Variants in GRAMD1A observed in about 807,000 individuals in gnomAD.
GRAMD1A encodes the protein protein Aster-A.
In GRAMD1A, 50 loss-of-function variants were observed where a neutral mutation model predicts 92.0. That is an observed-to-expected ratio of 0.54 (90% CI 0.43 to 0.69). The LOEUF is 0.69. Ranked by LOEUF, GRAMD1A falls within the 30% of genes least tolerant of loss-of-function variation. GRAMD1A has a pLI of 0.00. For missense variants in GRAMD1A, 819 were observed against 978.9 expected (o/e 0.84, Z 2.18); for synonymous variants, 405 against 403.6 (o/e 1.00, Z -0.04).
chr19:34,998,800 C>CTA (rs2014152238), upstream of GRAMD1A, among the ~76,000 whole-genome samples: 2 of 133,904 alleles, frequency 1.5e-5, no homozygotes, highest in South Asian at 4.8e-4. Flanking sequence ...AGGTAGGGCA[C>CTA]GGCGATAGGG....
At chr19:34,996,245 C>G (rs1008854633), upstream of GRAMD1A, 1 of 1,535,434 alleles carries the variant, frequency 6.5e-7, no homozygotes, top group African/African-American at 1.4e-5. Context: ...CCCCCGACGC[C>G]GGCAGCAGCA....
In GRAMD1A at chr19:35,021,775, G is replaced by A. The variant is rs1243445691; in HGVS notation, c.1664G>A (p.Arg555Gln). ...GGCTTGCTATCCGGCCTGCGGCGGCGGAAGCGGCCCCTGAGCTGGCGGGCT... is the reference window on the plus strand; with the variant it reads ...GGCTTGCTATCCGGCCTGCGGCGGCAGAAGCGGCCCCTGAGCTGGCGGGCT... ...ARGLLSGLRR[R>Q]KRPLSWRAHG... The change falls in exon 15 of 20, where the codon CGG becomes CAG. Residue 555 changes from arginine (R) to glutamine (Q), a missense_variant. By Grantham distance (43) the Arg-to-Gln change is conservative. Transcript: ENST00000317991. The surrounding 1 kb of genome is among the most constrained non-coding windows in gnomAD (Gnocchi z 5.3). 10 of 1,612,514 alleles carry A rather than the reference G, an allele frequency of 6.2e-6. No individual in the cohort carries two copies. The highest frequency in any genetic ancestry group is 1.6e-4 in the Middle Eastern group (1 of 6,078).
Position 35,009,404 on chromosome 19 carries a change from C to T in GRAMD1A, c.220-19C>T. 3 of 1,614,034 alleles carry T rather than the reference C, an allele frequency of 1.9e-6. No homozygotes were observed. The highest frequency in any genetic ancestry group is 2.5e-6 in the Non-Finnish European group (3 of 1,179,980). On this transcript the variant is annotated intron_variant, in intron 2 of 19. Coordinates refer to ENST00000317991, the MANE Select transcript of GRAMD1A (RefSeq NM_020895.5). ...GGTGATCTAGGGGCTCATCCTGACT[C>T]CTCTCCTTTTCTTTGCAGAAGATGC...
At chr19:35,022,456 A>C (rs1180704616) in intron 16 of GRAMD1A, among the ~76,000 whole-genome samples, 1 of 152,050 alleles carries the variant, frequency 6.6e-6, no homozygotes, top group Non-Finnish European at 1.5e-5. Context: ...TAGACCTCAC[A>C]CCAGACCAGA....
At chr19:34,996,381 C>A, upstream of GRAMD1A, 2 of 1,038,464 alleles carry the variant, frequency 1.9e-6, no homozygotes, top group African/African-American at 1.6e-5. Context: ...GGCTGCGGGT[C>A]AGAGCACAAC....
chr19:35,023,350 G>A lies in GRAMD1A; in HGVS notation c.1961+7G>A. 2 of 1,613,940 alleles carry A rather than the reference G, an allele frequency of 1.2e-6. No homozygotes were observed. The highest frequency in any genetic ancestry group is 1.1e-5 in the South Asian group (1 of 91,080). The stretch of plus-strand genomic sequence containing the variant: ...GCCTGGCCCTGGCCAAGGGGTGAGT[G>A]GGTAGCCTGGGGAAATGGGGGGGCT... On this transcript the variant is annotated splice_region_variant and intron_variant, in intron 18 of 19. Coordinates refer to ENST00000317991, the MANE Select transcript of GRAMD1A (RefSeq NM_020895.5).
rs1471023825 is a variant in GRAMD1A at position 35,021,915 on chromosome 19, G to C, written c.1754-36G>C. The C allele has an allele frequency of 6.2e-7, 1 of 1,612,380 alleles. No individual in the cohort carries two copies. The highest frequency in any genetic ancestry group is 1.3e-5 in the African/African-American group (1 of 74,912). On this transcript the variant is annotated intron_variant, in intron 15 of 19. Transcript: ENST00000317991. The surrounding 1 kb of genome is among the most constrained non-coding windows in gnomAD (Gnocchi z 5.3). ...GGTAGGCGGAGGATCGGGGGTCCTGGACTGGGCCATCTGACTCCAAGCTGC... is the reference window on the plus strand; with the variant it reads ...GGTAGGCGGAGGATCGGGGGTCCTGCACTGGGCCATCTGACTCCAAGCTGC...
chr19:35,013,603 A>G lies in GRAMD1A; in HGVS notation c.782A>G (p.Asp261Gly), dbSNP rs1251472121. The G allele has an allele frequency of 4.3e-6, 7 of 1,613,430 alleles. No homozygotes were observed. The highest frequency in any genetic ancestry group is 5.9e-6 in the Non-Finnish European group (7 of 1,179,810). Reference sequence around the variant, plus strand: ...GACATCACCTCCTCGGGGGCAGCTGACCGCAGCCAGGAGCCAAGCCCAGTG... The same window carrying G: ...GACATCACCTCCTCGGGGGCAGCTGGCCGCAGCCAGGAGCCAAGCCCAGTG... ...LSDITSSGAADRSQEPSPVGS... is the reference protein window; with the variant it reads ...LSDITSSGAAGRSQEPSPVGS... The change falls in exon 9 of 20, where the codon GAC (aspartate) becomes GGC (glycine). Residue 261 changes from aspartate to glycine, a missense_variant. Coordinates refer to ENST00000317991, the MANE Select transcript of GRAMD1A (RefSeq NM_020895.5). This position sits in a 1 kb window ranked among gnomAD's most constrained non-coding sequence, Gnocchi z 4.9.
At chr19:35,009,097 C>T in intron 1 of GRAMD1A, 22 bp from the exon 2 acceptor site, 3 of 1,551,774 alleles carry the variant, frequency 1.9e-6, no homozygotes, top group Non-Finnish European at 2.7e-6. Context: ...GTTAACACTT[C>T]TCTTCCTCTT....
intron 11 of GRAMD1A, 28 bp from the exon 12 acceptor site, chr19:35,019,163 C>G: frequency 6.9e-7 from 1 of 1,448,998 alleles, no homozygotes; most frequent in Non-Finnish European, 9.5e-7. Context: ...GGGGTGTGGC[C>G]TCCTCATGCT....
intron 1 of GRAMD1A, 105 bp from the exon 2 acceptor site, chr19:35,009,014 G>A: frequency 1.3e-6 from 1 of 742,026 alleles, no homozygotes; most frequent in Non-Finnish European, 2.4e-6. Context: ...TGGGTGGATG[G>A]GTGTGTATTC....
chr19:35,016,053 T>A, intron 11 of GRAMD1A, 86 bp downstream of exon 11: 3 of 1,408,714 alleles, frequency 2.1e-6, no homozygotes, highest in Non-Finnish European at 2.9e-6. Context: ...GGGAAGGCAC[T>A]GCTAGCCAGT....
intron 7 of GRAMD1A, among the ~76,000 whole-genome samples, 194 bp downstream of exon 7, chr19:35,011,748 G>A (rs1221505390): frequency 1.3e-5 from 2 of 152,224 alleles, no homozygotes; most frequent in African/African-American, 4.8e-5. Context: ...ATGAATTGGT[G>A]TAAACCGTCG....
chr19:35,023,713 A>G (rs1202506646), intron 19 of GRAMD1A, 166 bp downstream of exon 19: 13 of 645,796 alleles, frequency 2.0e-5, no homozygotes, highest in Admixed American at 6.4e-5. Context: ...AGGGGAAAGC[A>G]TGGAAGCATG....
intron 1 of GRAMD1A, among the ~76,000 whole-genome samples, chr19:35,008,016 CAGT>C (rs1381877372): frequency 6.6e-6 from 1 of 152,088 alleles, no homozygotes; most frequent in Non-Finnish European, 1.5e-5. Context: ...TTGTATGAAT[CAGT>C]AAGTTAATTT....
At position 35,005,818 on chromosome 19, in the gene GRAMD1A, CA is replaced by C. The variant is rs529610806; in HGVS notation, c.9-3300del. 1.0e-3 allele frequency: 458 copies of C among 455,518 alleles called. 6 individuals carry two copies. The highest frequency in any genetic ancestry group is 7.0e-3 in the South Asian group (451 of 64,518). 28.2% of individuals were successfully genotyped at this position (455,518 alleles called of 1,614,324 possible). A position where few individuals can be genotyped will look rare whatever the true frequency, so the allele number is the denominator to read the frequency against. On this transcript the variant is annotated intron_variant, in intron 1 of 19. Coordinates refer to ENST00000317991, the MANE Select transcript of GRAMD1A (RefSeq NM_020895.5). Reference sequence around the variant, plus strand: ...AGAGTAGTCCAGGATGGGAGCTGCCCAGGGGACTGTGGGGTCACGCATGAGC... The same window carrying C: ...AGAGTAGTCCAGGATGGGAGCTGCCCGGGGACTGTGGGGTCACGCATGAGC...
At chr19:35,016,040 CAG>C (rs759956557) in intron 11 of GRAMD1A, 73 bp downstream of exon 11, 36 of 1,501,080 alleles carry the variant, frequency 2.4e-5, no homozygotes, top group African/African-American at 1.7e-4. Context: ...TAGCCCAGGA[CAG>C]GGGAAGGCAC....
intron 10 of GRAMD1A, 50 bp downstream of exon 10, chr19:35,014,437 C>A: frequency 6.5e-7 from 1 of 1,529,646 alleles, no homozygotes. Flanking sequence ...GCAAGCCTCG[C>A]TCAGTCTTAA....
Position 35,019,469 on chromosome 19 carries a change from G to T in GRAMD1A, c.1411G>T (p.Asp471Tyr), listed in dbSNP as rs1233006242. 1.2e-6 allele frequency: 2 copies of T among 1,613,988 alleles called. No homozygotes were observed. The highest frequency in any genetic ancestry group is 1.7e-6 in the Non-Finnish European group (2 of 1,179,928). ...EVLTQGIPYQ[D>Y]YFYTAHRYCI... Reference sequence around the variant, plus strand: ...GCTGACGCAGGGCATCCCCTACCAGGACTACTTCTACACTGCCCACCGCTA... The same window carrying T: ...GCTGACGCAGGGCATCCCCTACCAGTACTACTTCTACACTGCCCACCGCTA... Residue 471 changes from aspartate (D) to tyrosine (Y), a missense_variant, in exon 13 of 20, where the codon GAC (aspartate) becomes TAC (tyrosine). By Grantham distance (160) the Asp-to-Tyr change is radical (BLOSUM62 -3). This residue lies in a region of GRAMD1A where 577 missense variants were observed against 674.6 expected (regional missense o/e 0.86). Transcript: ENST00000317991.
Sources: gnomAD v4.1 joint callset for allele counts (sites outside exome capture counted in the v4.1 genomes callset) on GRCh38, gnomAD v4.1.1 for gene constraint, gnomAD v4.1.1 regional missense constraint, Gnocchi (gnomAD v3.1) non-coding constraint, MANE v1.5 for transcripts, NCBI Gene and HGNC (gene_info 2026-07-23, HGNC 2026-07-21) for gene names.